The following SPOCK3 variants were observed in gnomAD, a reference collection of about 807,000 sequenced individuals.
The protein encoded by SPOCK3 is testican-3.
SPOCK3 carries 30 observed loss-of-function variants against 56.6 expected under a neutral mutation model. That is an observed-to-expected ratio of 0.53 (90% CI 0.40 to 0.72). The LOEUF (loss-of-function observed/expected upper bound fraction) is 0.72, where lower values mean the gene tolerates loss of function less well. Among genes scored for constraint, SPOCK3 ranks in the 30% least tolerant of loss-of-function variants. The pLI is 0.00. For synonymous variants in SPOCK3, 196 were observed against 183.3 expected (o/e 1.07, Z -0.56); for missense variants, 527 against 530.0 (o/e 0.99, Z 0.06).
intron 7 of SPOCK3, among the ~76,000 whole-genome samples, chr4:166,780,936 C>T (rs934656613): frequency 1.3e-5 from 2 of 152,100 alleles, no homozygotes. Flanking sequence ...AAGCCAGTCT[C>T]ACGCTAAGCA....
intron 2 of SPOCK3, among the ~76,000 whole-genome samples, chr4:167,213,188 C>T (rs1055493561): frequency 6.6e-6 from 1 of 152,210 alleles, no homozygotes; most frequent in African/African-American, 2.4e-5. Flanking sequence ...TTCTAGGCCT[C>T]AGTTCCTTGC....
chr4:166,911,291 C>A (rs1335328106), intron 5 of SPOCK3, among the ~76,000 whole-genome samples: 1 of 152,134 alleles, frequency 6.6e-6, no homozygotes, highest in Non-Finnish European at 1.5e-5. Flanking sequence ...CATTGTAGTG[C>A]ACTTTCCCAG....
chr4:167,210,746 T>C (rs910345449), intron 2 of SPOCK3, among the ~76,000 whole-genome samples: 1 of 152,176 alleles, frequency 6.6e-6, no homozygotes, highest in Non-Finnish European at 1.5e-5. Flanking sequence ...ACAAATATCA[T>C]TCTCATTTTT....
chr4:166,960,913 G>T (rs756690123), intron 4 of SPOCK3, among the ~76,000 whole-genome samples: 1 of 152,128 alleles, frequency 6.6e-6, no homozygotes. Flanking sequence ...GGGCTGAGGA[G>T]AATTTATCAC....
intron 2 of SPOCK3, among the ~76,000 whole-genome samples, chr4:167,203,217 C>T (rs1429165271): frequency 1.3e-5 from 2 of 151,684 alleles, no homozygotes; most frequent in African/African-American, 4.8e-5. Context: ...AATATAAGGT[C>T]ATGAAAAATT....
chr4:167,091,886 A>G (rs1215365454), intron 2 of SPOCK3, among the ~76,000 whole-genome samples: 1 of 152,152 alleles, frequency 6.6e-6, no homozygotes, highest in Non-Finnish European at 1.5e-5. Flanking sequence ...CCCTGCAATG[A>G]CAATGGTAAG....
intron 4 of SPOCK3, among the ~76,000 whole-genome samples, chr4:166,988,289 C>T (rs1215649906): frequency 6.6e-6 from 1 of 151,902 alleles, no homozygotes; most frequent in East Asian, 1.9e-4. Flanking sequence ...CTGATATCTG[C>T]ACAAGTCAGT....
At chr4:166,828,988 T>C (rs1332001823) in intron 6 of SPOCK3, among the ~76,000 whole-genome samples, 1 of 152,010 alleles carries the variant, frequency 6.6e-6, no homozygotes, top group Non-Finnish European at 1.5e-5. Context: ...ATCTGAAATA[T>C]TGAAAATCTT....
At chr4:166,940,903 C>CT (rs774824712) in intron 4 of SPOCK3, among the ~76,000 whole-genome samples, 3 of 150,198 alleles carry the variant, frequency 2.0e-5, no homozygotes, top group Non-Finnish European at 4.4e-5. Flanking sequence ...GAGTGCTGAT[C>CT]TTTGCTGTCT....
At chr4:166,963,177 C>T (rs1744332644) in intron 4 of SPOCK3, among the ~76,000 whole-genome samples, 1 of 152,002 alleles carries the variant, frequency 6.6e-6, no homozygotes, top group Admixed American at 6.6e-5. Flanking sequence ...TCATAACTTT[C>T]TCCCTGATCA....
intron 2 of SPOCK3, among the ~76,000 whole-genome samples, chr4:167,197,852 A>G (rs890751513): frequency 6.6e-5 from 10 of 152,194 alleles, no homozygotes; most frequent in African/African-American, 2.4e-4. Context: ...ATTACCATTT[A>G]TAAAGGACAG....
At chr4:167,205,519 T>A (rs1339907999) in intron 2 of SPOCK3, among the ~76,000 whole-genome samples, 4 of 55,130 alleles carry the variant, frequency 7.3e-5, no homozygotes, top group African/African-American at 2.5e-4. Context: ...TAATATATAT[T>A]ATATATATTA....
At chr4:166,889,527 T>C (rs1271929009) in intron 5 of SPOCK3, among the ~76,000 whole-genome samples, 3 of 152,024 alleles carry the variant, frequency 2.0e-5, no homozygotes, top group Non-Finnish European at 4.4e-5. Context: ...AGATCTATTA[T>C]ATGACATGAG....
rs751089971 is a variant in SPOCK3, at chr4:167,220,558, T to TTC, written c.189+13425_189+13426dup. Among the ~76,000 whole-genome samples, 33 of 151,730 alleles carry TTC rather than the reference T, an allele frequency of 2.2e-4. No homozygotes were observed. In the South Asian group the frequency reaches 3.5e-3, roughly 16 times the overall value. ...ACACACAGCTAATTTTTTTTTTTTT[T>TTC]TCATTTTTGCTGAGATGAGGTCTGG... On this transcript the variant is annotated intron_variant, in intron 2 of 10. Coordinates refer to ENST00000357545, the MANE Select transcript of SPOCK3 (RefSeq NM_001040159.2).
At chr4:167,219,683 G>A (rs528967586) in intron 2 of SPOCK3, among the ~76,000 whole-genome samples, 27 of 152,042 alleles carry the variant, frequency 1.8e-4, no homozygotes, top group African/African-American at 5.3e-4. Context: ...TTTAATTTTC[G>A]TTACAGAATA....
At chr4:166,851,711 A>G (rs1730111111) in intron 6 of SPOCK3, among the ~76,000 whole-genome samples, 1 of 152,074 alleles carries the variant, frequency 6.6e-6, no homozygotes, top group African/African-American at 2.4e-5. Flanking sequence ...ACTGTAAACT[A>G]GTTCAACCAT....
intron 6 of SPOCK3, among the ~76,000 whole-genome samples, chr4:166,886,963 A>G (rs2127000810): frequency 6.6e-6 from 1 of 152,264 alleles, no homozygotes; most frequent in East Asian, 1.9e-4. Context: ...CGTTGCCCTG[A>G]CAATTTGTCA....
intron 2 of SPOCK3, among the ~76,000 whole-genome samples, chr4:167,173,032 T>G (rs2150471435): frequency 6.6e-6 from 1 of 152,262 alleles, no homozygotes; most frequent in Non-Finnish European, 1.5e-5. Context: ...AATCAAATGT[T>G]TTCATTTCAT....
chr4:167,223,859 ATAT>A (rs1736323341), intron 2 of SPOCK3, among the ~76,000 whole-genome samples: 2 of 152,084 alleles, frequency 1.3e-5, no homozygotes, highest in South Asian at 4.1e-4. Context: ...TGTTATTATT[ATAT>A]TATTATCAAT....
Sources: gnomAD v4.1 joint callset for allele counts (sites outside exome capture counted in the v4.1 genomes callset) on GRCh38, gnomAD v4.1.1 for gene constraint, MANE v1.5 for transcripts, NCBI Gene and HGNC (gene_info 2026-07-23, HGNC 2026-07-21) for gene names.